CNTN4: variants seen among roughly 807,000 people sequenced by gnomAD.
The protein encoded by CNTN4 is contactin 4.
In CNTN4, 77 loss-of-function variants were observed where a neutral mutation model predicts 122.5. The observed-to-expected ratio is 0.63, with a 90% CI of 0.52 to 0.76. CNTN4 has a LOEUF of 0.76. CNTN4 is among the 30% of genes least tolerant of loss of function. The pLI is 0.00. For synonymous variants in CNTN4, 512 were observed against 447.0 expected (o/e 1.15, Z -1.83); for missense variants, 1,256 against 1,259.1 (o/e 1.00, Z 0.04).
intron 4 of CNTN4, among the ~76,000 whole-genome samples, chr3:2,729,329 C>T (rs1163724078): frequency 6.6e-6 from 1 of 151,820 alleles, no homozygotes; most frequent in Non-Finnish European, 1.5e-5. Flanking sequence ...CTTTGGGAGG[C>T]CAAGGCGGGC....
At chr3:2,987,447 G>C in intron 13 of CNTN4, among the ~76,000 whole-genome samples, 1 of 152,222 alleles carries the variant, frequency 6.6e-6, no homozygotes, top group East Asian at 1.9e-4. Flanking sequence ...GGCCAATTAG[G>C]AGGCTGTTTT....
intron 3 of CNTN4, among the ~76,000 whole-genome samples, chr3:2,468,368 A>G (rs1466949397): frequency 6.6e-6 from 1 of 152,074 alleles, no homozygotes; most frequent in African/African-American, 2.4e-5. Context: ...GGCATATCAG[A>G]TTTTGGGTCT....
chr3:2,930,032 G>A (rs74361087), intron 13 of CNTN4, among the ~76,000 whole-genome samples: 55 of 152,248 alleles, frequency 3.6e-4, no homozygotes, highest in African/African-American at 1.2e-3. Flanking sequence ...GTTAGATTAT[G>A]TCCTTGCAAC....
chr3:2,572,355 C>A (rs958363292), intron 4 of CNTN4, among the ~76,000 whole-genome samples: 2 of 152,162 alleles, frequency 1.3e-5, no homozygotes, highest in Admixed American at 6.5e-5. Flanking sequence ...CATTGCACTC[C>A]AGCCTGGGCA....
intron 3 of CNTN4, among the ~76,000 whole-genome samples, chr3:2,444,608 T>C (rs1269915834): frequency 2.0e-5 from 3 of 152,082 alleles, no homozygotes; most frequent in East Asian, 1.9e-4. Flanking sequence ...GAAATTCATA[T>C]TTTTTTCTAA....
chr3:2,842,660 TC>T (rs1293937757), intron 7 of CNTN4, among the ~76,000 whole-genome samples: 1 of 152,154 alleles, frequency 6.6e-6, no homozygotes, highest in Non-Finnish European at 1.5e-5. Context: ...CAAAAGTAGC[TC>T]TCTTCAGTGA....
intron 2 of CNTN4, among the ~76,000 whole-genome samples, chr3:2,317,185 T>A (rs1192045579): frequency 6.6e-6 from 1 of 152,224 alleles, no homozygotes; most frequent in Non-Finnish European, 1.5e-5. Flanking sequence ...ATGCAAGGAT[T>A]AGCGTTGCCC....
intron 3 of CNTN4, among the ~76,000 whole-genome samples, chr3:2,368,610 G>A (rs1211843386): frequency 6.6e-6 from 1 of 151,952 alleles, no homozygotes; most frequent in Non-Finnish European, 1.5e-5. Flanking sequence ...ATACCTATTA[G>A]GGATGGTATT....
chr3:2,821,327 A>G (rs1559542441), intron 7 of CNTN4, among the ~76,000 whole-genome samples: 1 of 152,202 alleles, frequency 6.6e-6, no homozygotes, highest in Admixed American at 6.5e-5. Context: ...TCCAGGACTC[A>G]TGCCCTTCTC....
At chr3:2,823,122 T>C (rs548055227) in intron 7 of CNTN4, among the ~76,000 whole-genome samples, 3 of 152,294 alleles carry the variant, frequency 2.0e-5, no homozygotes, top group Non-Finnish European at 4.4e-5. Flanking sequence ...GCAGTGATTC[T>C]CTCACTGTTT....
chr3:2,690,298 T>G (rs183247704), intron 4 of CNTN4, among the ~76,000 whole-genome samples: 2 of 152,140 alleles, frequency 1.3e-5, no homozygotes, highest in African/African-American at 4.8e-5. Context: ...CCACGAATAT[T>G]CTCATCAAGA....
At chr3:2,639,823 A>C (rs975050319) in intron 4 of CNTN4, among the ~76,000 whole-genome samples, 1 of 152,244 alleles carries the variant, frequency 6.6e-6, no homozygotes, top group Non-Finnish European at 1.5e-5. Flanking sequence ...GGCCTTGTAC[A>C]GATAAAGCCA....
intron 3 of CNTN4, among the ~76,000 whole-genome samples, chr3:2,523,275 A>G (rs982708954): frequency 4.6e-5 from 7 of 150,960 alleles, no homozygotes; most frequent in Non-Finnish European, 8.8e-5. Context: ...CTAGTTTCCT[A>G]TACACTGTTG....
chr3:2,610,978 A>G (rs2081456539), intron 4 of CNTN4, among the ~76,000 whole-genome samples: 2 of 152,084 alleles, frequency 1.3e-5, no homozygotes, highest in African/African-American at 4.8e-5. Context: ...CTTTTTTGCC[A>G]GAGTTGTTTT....
chr3:2,740,471 G>A (rs75825483), intron 5 of CNTN4, among the ~76,000 whole-genome samples: 1,688 of 152,186 alleles, frequency 0.011, 31 homozygotes, highest in African/African-American at 0.037. Context: ...AGAATATCAC[G>A]GGAATGGAAA....
rs893311397 is a variant in CNTN4, at chr3:2,517,528, C to T, written c.-88-53888C>T. On this transcript the variant is annotated intron_variant, in intron 3 of 24. Transcript: ENST00000418658. ...CTTTCAGAGAGTAAATAAGTTCTTA[C>T]GGTAGGGCGTAATGCCATGCAATAC... is the stretch of plus-strand genomic sequence containing the variant. Among the ~76,000 whole-genome samples the T allele has an allele frequency of 4.6e-5, 7 of 152,192 alleles. No homozygotes were observed. In the South Asian group the frequency reaches 6.2e-4, roughly 14 times the overall value.
chr3:2,293,128 G>GTT (rs4057756), intron 2 of CNTN4, among the ~76,000 whole-genome samples: 70,012 of 151,952 alleles, frequency 0.46, 16,366 homozygotes, highest in East Asian at 0.65. Flanking sequence ...TTTAACAAGA[G>GTT]TTCTTGAGGA....
intron 3 of CNTN4, among the ~76,000 whole-genome samples, chr3:2,492,220 C>T (rs1312316092): frequency 6.6e-6 from 1 of 152,158 alleles, no homozygotes; most frequent in Non-Finnish European, 1.5e-5. Flanking sequence ...TAAAAGGTGG[C>T]ACATGTACCT....
chr3:2,895,989 C>T (rs1025182249), intron 10 of CNTN4, among the ~76,000 whole-genome samples: 16 of 151,948 alleles, frequency 1.1e-4, no homozygotes, highest in Non-Finnish European at 1.8e-4. Flanking sequence ...GCCAAGATGG[C>T]GCCACCGCAC....
Sources: allele counts gnomAD v4.1 joint callset (sites outside exome capture counted in the v4.1 genomes callset), GRCh38; gene constraint gnomAD v4.1.1; transcripts MANE v1.5; gene names NCBI Gene and HGNC (gene_info 2026-07-23, HGNC 2026-07-21).